RABGAP1L: variants seen among roughly 807,000 people sequenced by gnomAD.
RABGAP1L encodes the protein RAB GTPase activating protein 1 like.
A neutral mutation model predicts 137.7 loss-of-function variants in RABGAP1L; 63 were observed. The observed-to-expected ratio is 0.46, with a 90% CI of 0.37 to 0.56. The LOEUF is 0.56. Among genes scored for constraint, RABGAP1L ranks in the 20% least tolerant of loss-of-function variants. The pLI, the probability that RABGAP1L is intolerant of heterozygous loss-of-function variation, is 0.00. For synonymous variants in RABGAP1L, 431 were observed against 433.7 expected (o/e 0.99, Z 0.08); for missense variants, 1,095 against 1,244.0 (o/e 0.88, Z 1.80).
intron 13 of RABGAP1L, among the ~76,000 whole-genome samples, chr1:174,437,565 T>C (rs1323064931): frequency 1.1e-4 from 16 of 152,212 alleles, no homozygotes; most frequent in Non-Finnish European, 1.6e-4. Flanking sequence ...AATATGGGAC[T>C]ATGTGAGAAG....
intron 1 of RABGAP1L, among the ~76,000 whole-genome samples, chr1:174,211,216 T>C (rs982074964): frequency 5.3e-5 from 8 of 152,178 alleles, no homozygotes; most frequent in Admixed American, 4.6e-4. Flanking sequence ...CTGTGGTGTG[T>C]AAACTACTCT....
At chr1:174,718,896 A>G (rs1310983882) in intron 17 of RABGAP1L, among the ~76,000 whole-genome samples, 2 of 145,700 alleles carry the variant, frequency 1.4e-5, no homozygotes, top group Non-Finnish European at 3.0e-5. Context: ...CTGGAGTGCA[A>G]TGGTGCCATC....
At chr1:174,598,458 G>A (rs567421372) in intron 13 of RABGAP1L, among the ~76,000 whole-genome samples, 1 of 151,710 alleles carries the variant, frequency 6.6e-6, no homozygotes. Context: ...CAATTTTTTT[G>A]TTGATTTTTC....
intron 18 of RABGAP1L, among the ~76,000 whole-genome samples, chr1:174,788,710 A>ATG (rs1444449430): frequency 6.6e-6 from 1 of 152,108 alleles, no homozygotes; most frequent in Non-Finnish European, 1.5e-5. Flanking sequence ...CTGGCCTCAA[A>ATG]TGTACCTATT....
chr1:174,221,294 G>A (rs1288969460), intron 3 of RABGAP1L, 130 bp downstream of exon 3: 10 of 722,248 alleles, frequency 1.4e-5, no homozygotes, highest in East Asian at 1.2e-4. Context: ...TTTCCACTTC[G>A]GTGTTATGTT....
intron 11 of RABGAP1L, among the ~76,000 whole-genome samples, chr1:174,332,896 G>A (rs1321998716): frequency 6.6e-6 from 1 of 152,150 alleles, no homozygotes; most frequent in East Asian, 1.9e-4. Context: ...ATTTATAATA[G>A]CCAAGATATG....
intron 10 of RABGAP1L, among the ~76,000 whole-genome samples, chr1:174,297,469 G>T (rs1677228457): frequency 6.6e-6 from 1 of 152,154 alleles, no homozygotes; most frequent in African/African-American, 2.4e-5. Flanking sequence ...CTGCAAACAG[G>T]GCGAACTTCT....
At chr1:174,255,191 A>G (rs1282771560) in intron 7 of RABGAP1L, among the ~76,000 whole-genome samples, 1 of 152,180 alleles carries the variant, frequency 6.6e-6, no homozygotes, top group Non-Finnish European at 1.5e-5. Context: ...GAGATACAAA[A>G]AATAATGGTG....
intron 13 of RABGAP1L, among the ~76,000 whole-genome samples, chr1:174,407,618 A>G (rs938845280): frequency 6.6e-6 from 1 of 152,080 alleles, no homozygotes; most frequent in Non-Finnish European, 1.5e-5. Context: ...CTCTTTAATT[A>G]TTATTATTAT....
intron 1 of RABGAP1L, among the ~76,000 whole-genome samples, chr1:174,204,506 T>C (rs1376996850): frequency 6.6e-6 from 1 of 152,220 alleles, no homozygotes; most frequent in Non-Finnish European, 1.5e-5. Context: ...AGGGAATGCT[T>C]CTAGCTTTTG....
intron 13 of RABGAP1L, among the ~76,000 whole-genome samples, chr1:174,433,181 G>C (rs1324433178): frequency 6.6e-6 from 1 of 152,136 alleles, no homozygotes; most frequent in Non-Finnish European, 1.5e-5. Context: ...TTAATGAGTG[G>C]TGCAGCCATC....
chr1:174,625,675 T>A (rs1467653875), intron 13 of RABGAP1L, among the ~76,000 whole-genome samples: 1 of 152,104 alleles, frequency 6.6e-6, no homozygotes, highest in African/African-American at 2.4e-5. Context: ...GCATCTAAAG[T>A]GATTGAGGAA....
rs1049092270 is a variant in RABGAP1L at position 174,869,149 on chromosome 1, A to G, written c.2340+57189A>G. ...TTATTAATATTGATAATAACAACCA[A>G]CATCAATCAAATGCTTTCCAGAGTC... On this transcript the variant is annotated intron_variant, in intron 19 of 25. Coordinates refer to ENST00000681986, the MANE Select transcript of RABGAP1L (RefSeq NM_001366446.1). 2.6e-5 allele frequency among the ~76,000 whole-genome samples: 4 copies of G among 152,278 alleles called. No homozygotes were observed. In the South Asian group the frequency reaches 8.3e-4, roughly 32 times the overall value.
intron 17 of RABGAP1L, among the ~76,000 whole-genome samples, chr1:174,720,231 A>ATAGC (rs1332406302): frequency 6.6e-6 from 1 of 151,248 alleles, no homozygotes; most frequent in Non-Finnish European, 1.5e-5. Context: ...GTAACTGGAG[A>ATAGC]TAGCTAGCTA....
At chr1:174,263,872 T>G (rs1673803309) in intron 7 of RABGAP1L, among the ~76,000 whole-genome samples, 1 of 152,010 alleles carries the variant, frequency 6.6e-6, no homozygotes, top group Non-Finnish European at 1.5e-5. Flanking sequence ...CTTTCTTTTT[T>G]GGGGGGCCGG....
chr1:174,900,698 T>A (rs1657996443), intron 19 of RABGAP1L, among the ~76,000 whole-genome samples: 1 of 152,178 alleles, frequency 6.6e-6, no homozygotes, highest in African/African-American at 2.4e-5. Context: ...TTTTCTATTT[T>A]TAGTAGAGAC....
At position 174,991,422 on chromosome 1, in the gene RABGAP1L, C is replaced by A. The variant is rs1280951013; in HGVS notation, c.*1421C>A. 6.6e-6 allele frequency: 1 copy of A among 152,110 alleles called. No homozygotes were observed. The highest frequency in any genetic ancestry group is 1.5e-5 in the Non-Finnish European group (1 of 67,994). 9.4% of individuals were successfully genotyped at this position (152,110 alleles called of 1,614,324 possible). ...AGTGCCAGAATGATTCTCATCTGTGCCATATTTTGCAATTAAAAGTAACAC... is the reference window on the plus strand; with the variant it reads ...AGTGCCAGAATGATTCTCATCTGTGACATATTTTGCAATTAAAAGTAACAC... On this transcript the variant is annotated 3_prime_UTR_variant, in exon 26 of 26. Transcript: ENST00000681986.
Position 174,448,034 on chromosome 1 carries a change from G to A in RABGAP1L, c.1710+53889G>A. On this transcript the variant is annotated intron_variant, in intron 13 of 25. Transcript: ENST00000681986. The surrounding 1 kb of genome is among the most constrained non-coding windows in gnomAD (Gnocchi z 4.2). ...CTGAAGCAGGTTCTGAAACACTCAT[G>A]TGCGGTGTTTAACAGATGCTGGGCA... 1.7e-6 allele frequency: 2 copies of A among 1,209,182 alleles called. No homozygotes were observed. Among genetic ancestry groups the A allele is most frequent in the East Asian group, 2.3e-5 (1 of 42,898 alleles). The allele number at this position is 1,209,182 out of a possible 1,614,324, so 74.9% of individuals were successfully genotyped here.
intron 12 of RABGAP1L, among the ~76,000 whole-genome samples, chr1:174,383,369 G>T (rs1419078617): frequency 6.6e-6 from 1 of 151,546 alleles, no homozygotes; most frequent in Non-Finnish European, 1.5e-5. Flanking sequence ...CTGGGCAATG[G>T]CGGGCGCCCC....
Sources: allele counts gnomAD v4.1 joint callset (sites outside exome capture counted in the v4.1 genomes callset), GRCh38; gene constraint gnomAD v4.1.1; non-coding constraint Gnocchi (gnomAD v3.1); transcripts MANE v1.5; gene names NCBI Gene and HGNC (gene_info 2026-07-23, HGNC 2026-07-21).